SLC44A3: variants seen among roughly 807,000 people sequenced by gnomAD.
SLC44A3 encodes the protein choline transporter-like protein 3.
Under a neutral mutation model 75.4 loss-of-function variants are expected in SLC44A3, and 74 were observed. That is an observed-to-expected ratio of 0.98 (90% CI 0.81 to 1.19). The LOEUF is 1.19. Among genes scored for constraint, SLC44A3 ranks in the 50% most tolerant of loss-of-function variants. The pLI is 0.00. For synonymous variants in SLC44A3, 310 were observed against 296.9 expected (o/e 1.04, Z -0.45); for missense variants, 700 against 778.6 (o/e 0.90, Z 1.20).
At chr1:94,865,272 AT>A (rs536798326) in intron 11 of SLC44A3, among the ~76,000 whole-genome samples, 71 of 152,332 alleles carry the variant, frequency 4.7e-4, no homozygotes, top group African/African-American at 1.6e-3. Flanking sequence ...AAGTAAAAAA[AT>A]ATACCATAAG....
At chr1:94,890,643 G>A (rs1434118817) in intron 12 of SLC44A3, among the ~76,000 whole-genome samples, 1 of 152,154 alleles carries the variant, frequency 6.6e-6, no homozygotes, top group African/African-American at 2.4e-5. Flanking sequence ...CTTGCTTTCT[G>A]GTACCTAAAC....
At chr1:94,866,599 A>G (rs538707627) in intron 11 of SLC44A3, among the ~76,000 whole-genome samples, 1 of 152,316 alleles carries the variant, frequency 6.6e-6, no homozygotes, top group East Asian at 1.9e-4. Flanking sequence ...GTCCAGATCA[A>G]GTTTCATCCA....
Position 94,890,980 on chromosome 1 carries a change from A to G in SLC44A3, c.1483-150A>G, listed in dbSNP as rs937187029. On this transcript the variant is annotated intron_variant, in intron 12 of 14. Transcript: ENST00000271227. ...TATGAAAATATATATGGATATAATC[A>G]GACTGGAAAGGACTTTGAAAATGGT... 1.2e-5 allele frequency: 7 copies of G among 560,550 alleles called. No homozygotes were observed. In the African/African-American group the frequency reaches 1.3e-4, roughly 11 times the overall value. The allele number at this position is 560,550 out of a possible 1,614,324, so 34.7% of individuals were successfully genotyped here. A position where few individuals can be genotyped will look rare whatever the true frequency, so the allele number is the denominator to read the frequency against.
At chr1:94,826,526 CA>C (rs1329288871) in intron 3 of SLC44A3, among the ~76,000 whole-genome samples, 6 of 151,792 alleles carry the variant, frequency 4.0e-5, no homozygotes, top group Admixed American at 2.0e-4. Flanking sequence ...TGGCAGGCAC[CA>C]GTAGTCCCAG....
chr1:94,834,150 G>A (rs1662481644), intron 5 of SLC44A3, among the ~76,000 whole-genome samples: 1 of 152,218 alleles, frequency 6.6e-6, no homozygotes. Flanking sequence ...CCTAGAATCA[G>A]TAATACCCCA....
chr1:94,831,046 G>A (rs895775722), intron 5 of SLC44A3, among the ~76,000 whole-genome samples: 6 of 152,152 alleles, frequency 3.9e-5, no homozygotes, highest in Non-Finnish European at 7.3e-5. Flanking sequence ...CCCAAGCAGC[G>A]TCTATGTTTG....
At position 94,867,322 on chromosome 1, in the gene SLC44A3, C is replaced by G. The variant is rs1267483007; in HGVS notation, c.1396-9C>G. ...TTGACTCTGTTCCTTTGTTCTCAAC[C>G]TGATCCAGCAGCATGGTGCATTGTC... On this transcript the variant is annotated splice_polypyrimidine_tract_variant and intron_variant, in intron 11 of 14. Coordinates refer to ENST00000271227, the MANE Select transcript of SLC44A3 (RefSeq NM_001114106.3). 1 of 1,569,014 alleles carries G rather than the reference C, an allele frequency of 6.4e-7. No individual in the cohort carries two copies. Among genetic ancestry groups the G allele is most frequent in the Admixed American group, 1.8e-5 (1 of 55,060 alleles).
intron 11 of SLC44A3, among the ~76,000 whole-genome samples, chr1:94,865,255 C>A (rs1667023498): frequency 6.6e-6 from 1 of 151,928 alleles, no homozygotes; most frequent in African/African-American, 2.4e-5. Flanking sequence ...ATTTATCATG[C>A]CTTTTTAAGT....
intron 6 of SLC44A3, chr1:94,839,137 T>A (rs909264235): frequency 6.6e-6 from 1 of 152,230 alleles, no homozygotes; most frequent in Non-Finnish European, 1.5e-5. Context: ...GATGCAATCC[T>A]GATTTCCTAT....
chr1:94,875,167 G>T (rs1024395612), intron 12 of SLC44A3, among the ~76,000 whole-genome samples: 49 of 152,170 alleles, frequency 3.2e-4, no homozygotes, highest in Non-Finnish European at 5.9e-5. Context: ...CCTACACTCT[G>T]CTGCTCCCTC....
chr1:94,843,003 T>C (rs1663866843), intron 8 of SLC44A3: 2 of 152,242 alleles, frequency 1.3e-5, no homozygotes, highest in South Asian at 2.1e-4. Flanking sequence ...AAGCACCTGG[T>C]TGCTCTCGCC....
chr1:94,881,023 G>A (rs138521553), intron 12 of SLC44A3, among the ~76,000 whole-genome samples: 45 of 152,212 alleles, frequency 3.0e-4, no homozygotes, highest in African/African-American at 9.4e-4. Flanking sequence ...GGGCAATGTC[G>A]TAAGACCCCG....
intron 12 of SLC44A3, among the ~76,000 whole-genome samples, chr1:94,881,842 C>G (rs1669031254): frequency 7.5e-6 from 1 of 133,496 alleles, no homozygotes; most frequent in African/African-American, 2.9e-5. Context: ...GAAACCCCGT[C>G]TCTACTAAAA....
intron 3 of SLC44A3, among the ~76,000 whole-genome samples, chr1:94,826,104 A>G (rs1323355474): frequency 6.6e-6 from 1 of 152,234 alleles, no homozygotes; most frequent in South Asian, 2.1e-4. Flanking sequence ...AACCCTGAGG[A>G]TGTCATGCCA....
chr1:94,879,860 A>G (rs1282675512), intron 12 of SLC44A3, among the ~76,000 whole-genome samples: 2 of 152,018 alleles, frequency 1.3e-5, no homozygotes, highest in Admixed American at 1.3e-4. Context: ...AAAAGAAAAA[A>G]AAAGGAAAAG....
At position 94,832,035 on chromosome 1, in the gene SLC44A3, C is replaced by T. The variant is rs555413659; in HGVS notation, c.509+3449C>T. Among the ~76,000 whole-genome samples the T allele has an allele frequency of 1.6e-3, 244 of 151,958 alleles. 4 individuals are homozygous for T. Among genetic ancestry groups the T allele is most frequent in the Middle Eastern group, 6.8e-3 (2 of 294 alleles). ...TACAAAAATTAGCTGGGTGTGATGGCAGGCGCCTGTAATCCCAGCTACTTG... is the reference window on the plus strand; with the variant it reads ...TACAAAAATTAGCTGGGTGTGATGGTAGGCGCCTGTAATCCCAGCTACTTG... On this transcript the variant is annotated intron_variant, in intron 5 of 14. Transcript: ENST00000271227.
chr1:94,866,292 CT>C (rs776631225), intron 11 of SLC44A3, among the ~76,000 whole-genome samples: 33 of 152,286 alleles, frequency 2.2e-4, no homozygotes, highest in Admixed American at 8.5e-4. Flanking sequence ...GGGAAACGGC[CT>C]TTCATAAATC....
At position 94,864,815 on chromosome 1, in the gene SLC44A3, C is replaced by G. The variant is rs553053505; in HGVS notation, c.1311C>G (p.Thr437=). The G allele has an allele frequency of 1.2e-6, 2 of 1,613,854 alleles. No individual in the cohort carries two copies. The highest frequency in any genetic ancestry group is 1.3e-5 in the African/African-American group (1 of 74,888). The change falls in exon 11 of 15, where the codon ACC becomes ACG. Residue 437 remains threonine (T), a synonymous_variant. Coordinates refer to ENST00000271227, the MANE Select transcript of SLC44A3 (RefSeq NM_001114106.3). ...LSILFFYHQG[T]VVKGSFLISV... ...TTCTCTTCTTCTACCATCAAGGAAC[C>G]GTTGTGAAAGGGTCATTTTTAATCT...
At chr1:94,858,361 C>A (rs948631517) in intron 10 of SLC44A3, among the ~76,000 whole-genome samples, 2 of 152,170 alleles carry the variant, frequency 1.3e-5, no homozygotes, top group Non-Finnish European at 2.9e-5. Flanking sequence ...TTACACACTT[C>A]TCTGCTTATA....
Sources: allele counts gnomAD v4.1 joint callset (sites outside exome capture counted in the v4.1 genomes callset), GRCh38; gene constraint gnomAD v4.1.1; transcripts MANE v1.5; gene names NCBI Gene and HGNC (gene_info 2026-07-23, HGNC 2026-07-21).